The following TSPEAR variants were observed in gnomAD, a reference collection of about 807,000 sequenced individuals.
TSPEAR encodes thrombospondin type laminin G domain and EAR repeats.
In TSPEAR, 69 loss-of-function variants were observed where a neutral mutation model predicts 71.6. The ratio of observed to expected loss-of-function variants is 0.96; its 90% CI spans 0.79 to 1.18. The LOEUF is 1.18. Among genes scored for constraint, TSPEAR ranks in the 50% most tolerant of loss-of-function variants. The pLI is 0.00. For missense variants in TSPEAR, 971 were observed against 894.9 expected (o/e 1.09, Z -1.09); for synonymous variants, 402 against 387.2 (o/e 1.04, Z -0.45).
chr21:44,601,405 C>T, intron 1 of TSPEAR: 1 of 1,612,448 alleles, frequency 6.2e-7, no homozygotes, highest in East Asian at 2.2e-5. Context: ...CTCCCAAAGC[C>T]AGCAGGGCTG....
chr21:44,627,494 TGTGCTGC>T lies in TSPEAR; in HGVS notation c.83-59496_83-59490del, dbSNP rs782237778. On this transcript the variant is annotated intron_variant, in intron 1 of 11. Coordinates refer to ENST00000323084, the MANE Select transcript of TSPEAR (RefSeq NM_144991.3). ...TGCGTGCCCGTCTGCTGCAAGCCTG[TGTGCTGC>T]GTGCCCGTCTGCTGTGGGGCTTCTT... The T allele has an allele frequency of 8.4e-6, 13 of 1,539,600 alleles. No individual in the cohort carries two copies. In the East Asian group the frequency reaches 9.5e-5, roughly 11 times the overall value.
chr21:44,518,354 C>T (rs1555913784), intron 9 of TSPEAR: 1 of 455,488 alleles, frequency 2.2e-6, no homozygotes, highest in Non-Finnish European at 4.5e-6. Flanking sequence ...GGCACTGGGG[C>T]ATCTTGAGCA....
chr21:44,521,787 CGGT>C, intron 9 of TSPEAR, 93 bp downstream of exon 9: 3 of 1,220,376 alleles, frequency 2.5e-6, no homozygotes, highest in Non-Finnish European at 3.5e-6. Flanking sequence ...GTTTGGCTCT[CGGT>C]GGACCCCCAG....
At chr21:44,643,681 C>G (rs782773284) in intron 1 of TSPEAR, among the ~76,000 whole-genome samples, 4 of 152,140 alleles carry the variant, frequency 2.6e-5, no homozygotes, top group Non-Finnish European at 4.4e-5. Flanking sequence ...CACTGGAACT[C>G]TCAGTAGATT....
In TSPEAR at chr21:44,591,836, T is replaced by C. The variant is rs9980630; in HGVS notation, c.83-23831A>G. Reference sequence around the variant, plus strand: ...TGGCAGGGGGAGGAGGTGCAGCAAGTTGGCTGGCAGCTAGACTGCTGGCAG... The same window carrying C: ...TGGCAGGGGGAGGAGGTGCAGCAAGCTGGCTGGCAGCTAGACTGCTGGCAG... On this transcript the variant is annotated intron_variant, in intron 1 of 11. Transcript: ENST00000323084. The C allele has an allele frequency of 0.011, 16,074 of 1,451,978 alleles. 2,077 individuals are homozygous for C. The African/African-American group carries it at 0.24, about 22-fold the overall frequency. The allele number at this position is 1,451,978 out of a possible 1,614,324, so 89.9% of individuals were successfully genotyped here.
intron 1 of TSPEAR, chr21:44,628,222 G>C (rs1402577578): frequency 1.2e-5 from 9 of 743,760 alleles, no homozygotes; most frequent in South Asian, 3.8e-5. Context: ...CCTCCCCCCC[G>C]GGCAGGCGAG....
At chr21:44,674,087 C>T (rs1388380315) in intron 1 of TSPEAR, among the ~76,000 whole-genome samples, 2 of 149,186 alleles carry the variant, frequency 1.3e-5, no homozygotes. Context: ...GAGTTTAAGG[C>T]CAGTCTGAGC....
In TSPEAR at chr21:44,680,907, TAC is replaced by T. The variant is rs3052785; in HGVS notation, c.82+30524_82+30525del. Among the ~76,000 whole-genome samples the T allele has an allele frequency of 4.5e-3, 681 of 152,296 alleles. 1 individual carries two copies. The highest frequency in any genetic ancestry group is 7.5e-3 in the Non-Finnish European group (507 of 68,020). On this transcript the variant is annotated intron_variant, in intron 1 of 11. Coordinates refer to ENST00000323084, the MANE Select transcript of TSPEAR (RefSeq NM_144991.3). ...TGAGTTTGGTTAATGGGTACAAACA[TAC>T]AGTTACACAGAAAGAATAAGTTCTA...
intron 2 of TSPEAR, chr21:44,550,451 C>G: frequency 2.9e-6 from 2 of 694,008 alleles, no homozygotes; most frequent in Admixed American, 2.9e-5. Context: ...AACCAGCGAC[C>G]AGCGACCAGC....
At chr21:44,574,654 A>C in intron 1 of TSPEAR, 2 of 1,602,698 alleles carry the variant, frequency 1.2e-6, no homozygotes, top group Non-Finnish European at 1.7e-6. Flanking sequence ...CTGTGCTGCC[A>C]GCAGTCTAGC....
rs199570164 is a variant in TSPEAR at position 44,574,887 on chromosome 21, G to T, written c.83-6882C>A. The T allele has an allele frequency of 1.9e-5, 31 of 1,611,632 alleles. No individual in the cohort carries two copies. The East Asian group carries it at 6.7e-4, about 35-fold the overall frequency. On this transcript the variant is annotated intron_variant, in intron 1 of 11. Coordinates refer to ENST00000323084, the MANE Select transcript of TSPEAR (RefSeq NM_144991.3). ...GTGCAGGCCCGCCTGCTGCGTGCCCGTCCCTTCCTGCTGTGCTCCCACCTC... is the reference window on the plus strand; with the variant it reads ...GTGCAGGCCCGCCTGCTGCGTGCCCTTCCCTTCCTGCTGTGCTCCCACCTC...
chr21:44,533,563 C>T, intron 3 of TSPEAR, 122 bp downstream of exon 3: 1 of 841,308 alleles, frequency 1.2e-6, no homozygotes, highest in Non-Finnish European at 1.8e-6. Flanking sequence ...GGCTCCTGAC[C>T]CTGGTCAGCT....
chr21:44,705,328 T>C (rs1447028221), intron 1 of TSPEAR, among the ~76,000 whole-genome samples: 1 of 152,212 alleles, frequency 6.6e-6, no homozygotes, highest in Non-Finnish European at 1.5e-5. Flanking sequence ...ACAAAAATTG[T>C]ACAGCATGTG....
At chr21:44,650,411 A>G (rs1470679258) in intron 1 of TSPEAR, among the ~76,000 whole-genome samples, 4 of 152,258 alleles carry the variant, frequency 2.6e-5, no homozygotes, top group Non-Finnish European at 5.9e-5. Flanking sequence ...GGAGAACGCC[A>G]TGTGACGACG....
At chr21:44,591,558 G>T (rs182188411) in intron 1 of TSPEAR, 3 of 1,612,850 alleles carry the variant, frequency 1.9e-6, no homozygotes, top group South Asian at 1.1e-5. Context: ...TGCACACAGG[G>T]TGGCAGAGGA....
In TSPEAR at chr21:44,674,081, T is replaced by C. The variant is rs781897227; in HGVS notation, c.82+37352A>G. On this transcript the variant is annotated intron_variant, in intron 1 of 11. Transcript: ENST00000323084. ...GAGATGATCACTTGAGCCCAGGAGTTTAAGGCCAGTCTGAGCAACACAGTA... is the reference window on the plus strand; with the variant it reads ...GAGATGATCACTTGAGCCCAGGAGTCTAAGGCCAGTCTGAGCAACACAGTA... 2.3e-4 allele frequency among the ~76,000 whole-genome samples: 34 copies of C among 149,926 alleles called. No homozygotes were observed. In the Middle Eastern group the frequency reaches 0.014, roughly 60 times the overall value.
At chr21:44,511,445 C>T (rs1555912689) in intron 9 of TSPEAR, among the ~76,000 whole-genome samples, 1 of 152,258 alleles carries the variant, frequency 6.6e-6, no homozygotes, top group Non-Finnish European at 1.5e-5. Flanking sequence ...TGCAGATACA[C>T]AGGCCTGCTC....
intron 1 of TSPEAR, among the ~76,000 whole-genome samples, chr21:44,683,263 C>T (rs1986696755): frequency 6.6e-6 from 1 of 150,520 alleles, no homozygotes; most frequent in Admixed American, 6.6e-5. Flanking sequence ...AAAAACTGCA[C>T]AAGATTAAGG....
At chr21:44,647,681 C>A (rs587661840) in intron 1 of TSPEAR, 2 of 388,966 alleles carry the variant, frequency 5.1e-6, no homozygotes, top group East Asian at 5.4e-5. Context: ...CTGCTCTTCC[C>A]CTGAGCCCCT....
Sources: allele counts gnomAD v4.1 joint callset (sites outside exome capture counted in the v4.1 genomes callset), GRCh38; gene constraint gnomAD v4.1.1; transcripts MANE v1.5; gene names NCBI Gene and HGNC (gene_info 2026-07-23, HGNC 2026-07-21).